The following IPO8 variants were observed in gnomAD, a reference collection of about 807,000 sequenced individuals.
IPO8 encodes the protein importin-8.
Under a neutral mutation model 141.2 loss-of-function variants are expected in IPO8, and 65 were observed. The observed-to-expected ratio is 0.46, with a 90% CI of 0.38 to 0.57. The LOEUF is 0.57. IPO8 is among the 20% of genes least tolerant of loss of function. The probability of loss-of-function intolerance (pLI) is 0.00; values close to 1 mark genes in which losing one functional copy is unlikely to be tolerated. For missense variants in IPO8, 980 were observed against 1,246.8 expected (o/e 0.79, Z 3.22); for synonymous variants, 411 against 420.3 (o/e 0.98, Z 0.27).
Position 30,676,530 on chromosome 12 carries a change from A to C in IPO8, c.697T>G (p.Phe233Val), listed in dbSNP as rs778277186. ...NQTMTTWMEI[F>V]RTIIDRTVPP... The stretch of plus-strand genomic sequence containing the variant: ...ACGGTCCTGTCGATAATAGTTCGGA[A>C]GATCTCCATCCATGTTGTCATGGTT... The change falls in exon 6 of 25, where the codon TTC becomes GTC. Residue 233 changes from phenylalanine to valine, a missense_variant. Around this residue, in one of 3 missense-constraint regions of IPO8, gnomAD observed 924 missense variants for 1,153.9 expected, o/e 0.80. Transcript: ENST00000256079. 1.2e-6 allele frequency: 2 copies of C among 1,613,644 alleles called. No individual in the cohort carries two copies. Among genetic ancestry groups the C allele is most frequent in the South Asian group, 2.2e-5 (2 of 91,078 alleles).
intron 20 of IPO8, among the ~76,000 whole-genome samples, chr12:30,647,603 CAAAAAAAAAAAA>C (rs34098076): frequency 7.4e-5 from 3 of 40,788 alleles, no homozygotes; most frequent in Non-Finnish European, 1.3e-4. Context: ...AGACCGTCTC[CAAAAAAAAAAAA>C]AAAAAAAAAA....
chr12:30,670,913 C>T (rs750332966), intron 9 of IPO8, 49 bp downstream of exon 9: 1 of 1,532,418 alleles, frequency 6.5e-7, no homozygotes, highest in Admixed American at 1.9e-5. Flanking sequence ...GTCTAGAAAA[C>T]CTAATTTAAC....
chr12:30,639,665 G>C lies in IPO8; in HGVS notation c.2339C>G (p.Thr780Ser). The change falls in exon 21 of 25, where the codon ACT becomes AGT. Residue 780 changes from threonine (T) to serine (S), a missense_variant. Coordinates refer to ENST00000256079, the MANE Select transcript of IPO8 (RefSeq NM_006390.4). ...TRGVKTSELRTMCLQVAIAAL... is the reference protein window; with the variant it reads ...TRGVKTSELRSMCLQVAIAAL... Reference sequence around the variant, plus strand: ...AGCAATTGCAACCTGAAGACACATAGTACGAAGCTCACTAGTTTTGACCCC... The same window carrying C: ...AGCAATTGCAACCTGAAGACACATACTACGAAGCTCACTAGTTTTGACCCC... 6.2e-7 allele frequency: 1 copy of C among 1,614,120 alleles called. No homozygotes were observed. Among genetic ancestry groups the C allele is most frequent in the Non-Finnish European group, 8.5e-7 (1 of 1,180,008 alleles).
At chr12:30,691,939 T>C (rs1233424545) in intron 1 of IPO8, among the ~76,000 whole-genome samples, 1 of 152,228 alleles carries the variant, frequency 6.6e-6, no homozygotes, top group East Asian at 1.9e-4. Flanking sequence ...CACAAATCTG[T>C]GGCATGTAAA....
chr12:30,661,565 T>C (rs1165280167), intron 15 of IPO8, among the ~76,000 whole-genome samples: 3 of 144,434 alleles, frequency 2.1e-5, no homozygotes, highest in African/African-American at 5.1e-5. Flanking sequence ...AAAAGAAAAA[T>C]GCAATAGAAG....
At position 30,661,250 on chromosome 12, in the gene IPO8, T is replaced by C. The variant is rs142754383; in HGVS notation, c.1772A>G (p.Lys591Arg). 1.7e-4 allele frequency: 268 copies of C among 1,593,432 alleles called. No individual in the cohort carries two copies. In the African/African-American group the frequency reaches 3.5e-3, roughly 21 times the overall value. ...TTCATATTCATCACTTTGAAGAACTTTGCCAAATATCTCAGCCTATGAAAA... is the reference window on the plus strand; with the variant it reads ...TTCATATTCATCACTTTGAAGAACTCTGCCAAATATCTCAGCCTATGAAAA... Reference protein sequence around the residue: ...MTQHLAEIFGKVLQSDEYEEV... With the variant: ...MTQHLAEIFGRVLQSDEYEEV... The change falls in exon 16 of 25, where the codon AAA becomes AGA. Residue 591 changes from lysine to arginine, a missense_variant. Coordinates refer to ENST00000256079, the MANE Select transcript of IPO8 (RefSeq NM_006390.4).
chr12:30,637,182 T>C lies in IPO8; in HGVS notation c.2495A>G (p.His832Arg). 6.2e-7 allele frequency: 1 copy of C among 1,611,494 alleles called. No individual in the cohort carries two copies. The highest frequency in any genetic ancestry group is 8.5e-7 in the Non-Finnish European group (1 of 1,178,986). ...MNDTDCFLGHHDRKMCIIGLS... is the reference protein window; with the variant it reads ...MNDTDCFLGHRDRKMCIIGLS... ...TCCTATTATACACATCTTCCGGTCA[T>C]GATGCCTGCAAATTTTGAAGAAAAA... Residue 832 changes from histidine to arginine, a missense_variant, in exon 22 of 25, where the codon CAT becomes CGT. Physicochemically the swap from His to Arg is conservative, Grantham distance 29 (BLOSUM62 0). Transcript: ENST00000256079.
chr12:30,655,351 G>T (rs1458821885), intron 17 of IPO8, among the ~76,000 whole-genome samples: 2 of 151,968 alleles, frequency 1.3e-5, no homozygotes, highest in Admixed American at 6.6e-5. Context: ...TTTTTTAATT[G>T]ACAAATAAAA....
chr12:30,657,003 A>C (rs1415720608), intron 16 of IPO8, among the ~76,000 whole-genome samples: 26 of 152,100 alleles, frequency 1.7e-4, no homozygotes, highest in Non-Finnish European at 5.9e-5. Flanking sequence ...AATTCCTAAT[A>C]GATAAAAGAT....
chr12:30,631,086 T>C, intron 24 of IPO8, 129 bp from the exon 25 acceptor site: 1 of 638,716 alleles, frequency 1.6e-6, no homozygotes, highest in East Asian at 2.7e-5. Context: ...CTGGTAGTAT[T>C]AGTTATCCTG....
intron 1 of IPO8, among the ~76,000 whole-genome samples, chr12:30,692,584 T>G (rs1263434429): frequency 6.6e-6 from 1 of 152,232 alleles, no homozygotes; most frequent in South Asian, 2.1e-4. Context: ...ATACGCAGTT[T>G]GCTTAACTAA....
chr12:30,643,257 A>G (rs794152), intron 20 of IPO8, among the ~76,000 whole-genome samples: 107,010 of 152,040 alleles, frequency 0.7, 39,468 homozygotes, highest in African/African-American at 0.93. Flanking sequence ...TGCATGAGCC[A>G]AGATCATGCC....
At position 30,669,206 on chromosome 12, in the gene IPO8, T is replaced by C. The variant is rs1269311502; in HGVS notation, c.1121A>G (p.Tyr374Cys). 6.3e-7 allele frequency: 1 copy of C among 1,581,164 alleles called. No individual in the cohort carries two copies. Residue 374 changes from tyrosine to cysteine, a missense_variant, in exon 10 of 25, where the codon TAT becomes TGT. Tyr to Cys is a radical substitution (Grantham distance 194, BLOSUM62 -2). Transcript: ENST00000256079. Reference sequence around the variant, plus strand: ...ACCAAATTTCATCCTTATATACTCATATGGATCTTCTTGCCACAGCTCTTC... The same window carrying C: ...ACCAAATTTCATCCTTATATACTCACATGGATCTTCTTGCCACAGCTCTTC... The part of the protein sequence containing the change: ...EDEELWQEDP[Y>C]EYIRMKFDIF...
At chr12:30,659,863 A>C (rs1405817386) in intron 16 of IPO8, among the ~76,000 whole-genome samples, 11 of 150,692 alleles carry the variant, frequency 7.3e-5, no homozygotes, top group South Asian at 2.1e-4. Context: ...TCAAAACAAA[A>C]AAAAAAAAAA....
At chr12:30,645,576 C>G (rs1037577886) in intron 20 of IPO8, among the ~76,000 whole-genome samples, 3 of 151,394 alleles carry the variant, frequency 2.0e-5, no homozygotes, top group Non-Finnish European at 4.4e-5. Flanking sequence ...AGAACAAAAC[C>G]AAAAGTTAGC....
intron 9 of IPO8, among the ~76,000 whole-genome samples, chr12:30,670,002 C>A (rs558493168): frequency 3.9e-5 from 6 of 152,080 alleles, no homozygotes; most frequent in Admixed American, 2.0e-4. Context: ...TAAGGATCAG[C>A]GTTTTCTTAT....
chr12:30,675,859 G>T (rs906114063), intron 6 of IPO8, among the ~76,000 whole-genome samples: 1 of 149,606 alleles, frequency 6.7e-6, no homozygotes, highest in African/African-American at 2.5e-5. Flanking sequence ...AAAAAAAAAG[G>T]AAAAGAAAAG....
At chr12:30,668,328 T>C (rs1442299284) in intron 10 of IPO8, among the ~76,000 whole-genome samples, 1 of 152,306 alleles carries the variant, frequency 6.6e-6, no homozygotes, top group Admixed American at 6.5e-5. Context: ...CTAGCATCTG[T>C]ACCAGTAGGT....
chr12:30,684,549 T>A, intron 2 of IPO8, 92 bp from the exon 3 acceptor site: 1 of 1,282,356 alleles, frequency 7.8e-7, no homozygotes, highest in South Asian at 1.4e-5. Flanking sequence ...CCCTTCAATG[T>A]TAAACATGAA....
Sources: allele counts gnomAD v4.1 joint callset (sites outside exome capture counted in the v4.1 genomes callset), GRCh38; gene constraint gnomAD v4.1.1; regional missense constraint gnomAD v4.1.1; transcripts MANE v1.5; gene names NCBI Gene and HGNC (gene_info 2026-07-23, HGNC 2026-07-21).